The following PEX14 variants were observed in gnomAD, a reference collection of about 807,000 sequenced individuals.
PEX14 encodes the protein peroxisomal membrane protein PEX14.
PEX14 carries 15 observed loss-of-function variants against 49.5 expected under a neutral mutation model. The observed-to-expected ratio is 0.30, with a 90% CI of 0.20 to 0.47. The LOEUF (loss-of-function observed/expected upper bound fraction) is 0.47, where lower values mean the gene tolerates loss of function less well. Among genes scored for constraint, PEX14 ranks in the 20% least tolerant of loss-of-function variants. The pLI, the probability that PEX14 is intolerant of heterozygous loss-of-function variation, is 1.00. For missense variants in PEX14, 398 were observed against 494.8 expected (o/e 0.80, Z 1.86); for synonymous variants, 210 against 212.7 (o/e 0.99, Z 0.11).
intron 2 of PEX14, among the ~76,000 whole-genome samples, chr1:10,521,381 T>TAAGATGATGAG (rs1306485071): frequency 2.0e-5 from 3 of 152,238 alleles, no homozygotes; most frequent in Non-Finnish European, 4.4e-5. Context: ...ATCTGGCTGC[T>TAAGATGATGAG]CTAAGATGAT....
rs72869194 is a variant in PEX14, at chr1:10,529,401, A to T, written c.85-6812A>T. On this transcript the variant is annotated intron_variant, in intron 2 of 8. Coordinates refer to ENST00000356607, the MANE Select transcript of PEX14 (RefSeq NM_004565.3). The surrounding 1 kb of genome is among the most constrained non-coding windows in gnomAD (Gnocchi z 4.2). ...CTCGGCTGGACACGGACACCTCTCC[A>T]AAGTCACCCTTACGTCCCTAAGATC... 7.4e-3 allele frequency among the ~76,000 whole-genome samples: 1,125 copies of T among 152,342 alleles called. 15 individuals carry two copies. Among genetic ancestry groups the T allele is most frequent in the African/African-American group, 0.025 (1,060 of 41,576 alleles).
chr1:10,491,783 C>T (rs530536711), intron 1 of PEX14, among the ~76,000 whole-genome samples: 86 of 147,890 alleles, frequency 5.8e-4, no homozygotes, highest in African/African-American at 2.0e-3. Flanking sequence ...CGGGTTCAAG[C>T]GATTATTGTG....
chr1:10,479,504 T>G (rs1334409431), intron 1 of PEX14, among the ~76,000 whole-genome samples: 1 of 152,232 alleles, frequency 6.6e-6, no homozygotes, highest in Non-Finnish European at 1.5e-5. Context: ...CCCGTAGGAA[T>G]GAGAAACGTT....
chr1:10,597,457 G>C lies in PEX14; in HGVS notation c.170-1781G>C, dbSNP rs553704389. Among the ~76,000 whole-genome samples the C allele has an allele frequency of 2.0e-5, 3 of 150,210 alleles. No homozygotes were observed. Among genetic ancestry groups the C allele is most frequent in the East Asian group, 1.9e-4 (1 of 5,180 alleles). On this transcript the variant is annotated intron_variant, in intron 3 of 8. Transcript: ENST00000356607. This position sits in a 1 kb window ranked among gnomAD's most constrained non-coding sequence, Gnocchi z 5.7. ...CAAACTCAGGGCGGGGGTATTCTCT[G>C]TTGTTGCCTGGCTTGCCTGTTGGTC... is the stretch of plus-strand genomic sequence containing the variant.
At chr1:10,481,481 AC>A (rs1008545571) in intron 1 of PEX14, among the ~76,000 whole-genome samples, 1 of 151,818 alleles carries the variant, frequency 6.6e-6, no homozygotes, top group Non-Finnish European at 1.5e-5. Context: ...TTACTCTGTC[AC>A]CCAGTCTGGA....
At chr1:10,560,718 CTTTT>C (rs34964492) in intron 3 of PEX14, among the ~76,000 whole-genome samples, 2 of 129,058 alleles carry the variant, frequency 1.5e-5, no homozygotes. Flanking sequence ...ATTTTGCCAC[CTTTT>C]TTTTTTTTTT....
At chr1:10,617,379 T>G (rs1163934411) in intron 4 of PEX14, among the ~76,000 whole-genome samples, 1 of 152,118 alleles carries the variant, frequency 6.6e-6, no homozygotes, top group African/African-American at 2.4e-5. Flanking sequence ...TGGCACTCCC[T>G]GATTCACATC....
At chr1:10,610,617 C>T (rs1641254141) in intron 4 of PEX14, among the ~76,000 whole-genome samples, 2 of 151,982 alleles carry the variant, frequency 1.3e-5, no homozygotes, top group African/African-American at 4.8e-5. Context: ...TCCCGAGTAG[C>T]TGGGATTATA....
chr1:10,481,483 C>T (rs1419443511), intron 1 of PEX14, among the ~76,000 whole-genome samples: 4 of 152,002 alleles, frequency 2.6e-5, no homozygotes, highest in African/African-American at 9.7e-5. Flanking sequence ...ACTCTGTCAC[C>T]CAGTCTGGAG....
intron 2 of PEX14, among the ~76,000 whole-genome samples, chr1:10,506,091 T>C (rs7543322): frequency 0.51 from 77,977 of 151,860 alleles, 20,147 homozygotes; most frequent in Admixed American, 0.58. Context: ...GCTGTTTGGG[T>C]CCCATGGAAC....
intron 2 of PEX14, among the ~76,000 whole-genome samples, chr1:10,504,899 G>A (rs1028435041): frequency 6.6e-6 from 1 of 151,306 alleles, no homozygotes; most frequent in African/African-American, 2.4e-5. Context: ...CTGTTCTCCT[G>A]CCTCCTCCTC....
intron 1 of PEX14, among the ~76,000 whole-genome samples, chr1:10,485,303 T>G (rs1018647242): frequency 6.8e-6 from 1 of 147,658 alleles, no homozygotes; most frequent in Non-Finnish European, 1.5e-5. Flanking sequence ...TGTGTGGTTT[T>G]TTTTTTTTTT....
intron 5 of PEX14, among the ~76,000 whole-genome samples, chr1:10,620,833 A>G (rs1641568112): frequency 1.3e-5 from 2 of 152,184 alleles, no homozygotes; most frequent in African/African-American, 4.8e-5. Context: ...CAGAACAAAA[A>G]CACCTCTTGG....
intron 4 of PEX14, among the ~76,000 whole-genome samples, chr1:10,615,116 C>T (rs546435351): frequency 6.6e-5 from 10 of 152,272 alleles, no homozygotes; most frequent in African/African-American, 2.2e-4. Context: ...AGTGTCACTG[C>T]ACAGCCTGGG....
intron 2 of PEX14, among the ~76,000 whole-genome samples, chr1:10,533,919 A>C (rs928990622): frequency 6.6e-6 from 1 of 152,218 alleles, no homozygotes; most frequent in Non-Finnish European, 1.5e-5. Context: ...TGCACCATTA[A>C]ACCCATCAGA....
intron 4 of PEX14, among the ~76,000 whole-genome samples, chr1:10,616,610 G>T (rs977779657): frequency 6.6e-6 from 1 of 152,188 alleles, no homozygotes; most frequent in Non-Finnish European, 1.5e-5. Context: ...GATCCTTCGG[G>T]GGGAGGCAGA....
intron 3 of PEX14, among the ~76,000 whole-genome samples, chr1:10,582,941 G>A (rs1408720542): frequency 1.3e-5 from 2 of 151,976 alleles, no homozygotes; most frequent in East Asian, 3.9e-4. Context: ...CACCATGTTG[G>A]CCAGGCTGGT....
chr1:10,487,226 A>G lies in PEX14; in HGVS notation c.37-8048A>G, dbSNP rs547339907. Among the ~76,000 whole-genome samples, 7 of 151,764 alleles carry G rather than the reference A, an allele frequency of 4.6e-5. No homozygotes were observed. In the South Asian group the frequency reaches 1.5e-3, roughly 31 times the overall value. ...TATTTCGTTAAGGATTTTAACATTT[A>G]TGTTTGTGAGGGATATTATTCTATA... On this transcript the variant is annotated intron_variant, in intron 1 of 8. Transcript: ENST00000356607.
chr1:10,606,726 G>C (rs1308851817), intron 4 of PEX14, among the ~76,000 whole-genome samples: 1 of 152,170 alleles, frequency 6.6e-6, no homozygotes, highest in East Asian at 1.9e-4. Context: ...TCTCAGGTCT[G>C]GCTTCTTCTC....
Sources: gnomAD v4.1 joint callset for allele counts (sites outside exome capture counted in the v4.1 genomes callset) on GRCh38, gnomAD v4.1.1 for gene constraint, Gnocchi (gnomAD v3.1) non-coding constraint, MANE v1.5 for transcripts, NCBI Gene and HGNC (gene_info 2026-07-23, HGNC 2026-07-21) for gene names.